Variants in AOX1 observed in about 807,000 individuals in gnomAD.
The protein encoded by AOX1 is aldehyde oxidase 1, also known as aldehyde oxidase.
In AOX1, 153 loss-of-function variants were observed where a neutral mutation model predicts 169.5. The observed-to-expected ratio is 0.90, with a 90% CI of 0.79 to 1.03. The LOEUF is 1.03. Ranked by LOEUF, AOX1 falls within the 50% of genes least tolerant of loss-of-function variation. AOX1 has a pLI of 0.00. For synonymous variants in AOX1, 562 were observed against 581.9 expected (o/e 0.97, Z 0.49); for missense variants, 1,656 against 1,663.9 (o/e 1.00, Z 0.08).
At chr2:200,625,062 A>G (rs1485792308) in intron 19 of AOX1, among the ~76,000 whole-genome samples, 2 of 152,108 alleles carry the variant, frequency 1.3e-5, no homozygotes, top group Non-Finnish European at 2.9e-5. Context: ...GTCTCTGGGA[A>G]TTTTTCTTAC....
intron 20 of AOX1, 135 bp from the exon 21 acceptor site, chr2:200,634,656 T>G: frequency 9.5e-6 from 10 of 1,055,138 alleles, no homozygotes; most frequent in Non-Finnish European, 1.4e-5. Flanking sequence ...AAGCTAAACA[T>G]TGTTGTTTGT....
At chr2:200,642,556 GA>G in intron 24 of AOX1, 53 bp from the exon 25 acceptor site, 1 of 1,553,968 alleles carries the variant, frequency 6.4e-7, no homozygotes, top group Non-Finnish European at 8.8e-7. Flanking sequence ...GAGGTCGTAG[GA>G]TGGTGAAACA....
intron 4 of AOX1, 52 bp from the exon 5 acceptor site, chr2:200,599,568 G>T: frequency 1.4e-6 from 2 of 1,468,340 alleles, no homozygotes; most frequent in Non-Finnish European, 9.3e-7. Context: ...TAATTCATTA[G>T]GCCTGGGATG....
intron 14 of AOX1, 78 bp downstream of exon 14, chr2:200,612,871 G>A: frequency 8.5e-7 from 1 of 1,176,524 alleles, no homozygotes; most frequent in Non-Finnish European, 1.2e-6. Context: ...TTTGTGGTGA[G>A]ATGTGATTAC....
chr2:200,651,022 C>A lies in AOX1; in HGVS notation c.2896C>A (p.Gln966Lys), dbSNP rs138174107. ...GGAAATTGATCAAACACCCTACAAACAAGAGATCAATGCCAAGAACCTAAT... is the reference window on the plus strand; with the variant it reads ...GGAAATTGATCAAACACCCTACAAAAAAGAGATCAATGCCAAGAACCTAAT... ...YKEIDQTPYK[Q>K]EINAKNLIQC... The change falls in exon 26 of 35, where the codon CAA becomes AAA. Residue 966 changes from glutamine (Q) to lysine (K), a missense_variant. Coordinates refer to ENST00000374700, the MANE Select transcript of AOX1 (RefSeq NM_001159.4). 3 of 1,614,204 alleles carry A rather than the reference C, an allele frequency of 1.9e-6. No homozygotes were observed. The highest frequency in any genetic ancestry group is 1.7e-6 in the Non-Finnish European group (2 of 1,180,028).
chr2:200,671,733 TG>T (rs1267699403), downstream of AOX1, among the ~76,000 whole-genome samples: 1 of 151,902 alleles, frequency 6.6e-6, no homozygotes, highest in East Asian at 1.9e-4. Flanking sequence ...GTAGATACTG[TG>T]GAAAATAGTT....
At chr2:200,635,040 A>G in intron 21 of AOX1, 125 bp downstream of exon 21, 2 of 1,155,878 alleles carry the variant, frequency 1.7e-6, no homozygotes, top group Non-Finnish European at 2.5e-6. Flanking sequence ...TGAACCCAGG[A>G]GCTCAAGGCT....
intron 20 of AOX1, among the ~76,000 whole-genome samples, chr2:200,633,492 TC>T (rs2105737913): frequency 6.6e-6 from 1 of 152,236 alleles, no homozygotes; most frequent in Non-Finnish European, 1.5e-5. Flanking sequence ...GCTGAGCCCA[TC>T]CCTTGAACTT....
chr2:200,669,600 T>C lies in AOX1; in HGVS notation c.3824T>C (p.Leu1275Pro), dbSNP rs773158746. The stretch of plus-strand genomic sequence containing the variant: ...GGTCTGGGAGAGTCGGGGGTGTTCC[T>C]GGGGTGTTCCGTGTTTTTCGCTATC... ...SKGLGESGVF[L>P]GCSVFFAIHD... The change falls in exon 34 of 35, where the codon CTG (leucine) becomes CCG (proline). Residue 1275 changes from leucine (L) to proline (P), a missense_variant. Leu to Pro is a moderately conservative substitution (Grantham distance 98). Coordinates refer to ENST00000374700, the MANE Select transcript of AOX1 (RefSeq NM_001159.4). 4.3e-6 allele frequency: 7 copies of C among 1,614,020 alleles called. No homozygotes were observed. The South Asian group carries it at 7.7e-5, about 18-fold the overall frequency.
chr2:200,603,502 A>C (rs748223634), intron 7 of AOX1, 146 bp downstream of exon 7: 19 of 585,124 alleles, frequency 3.2e-5, no homozygotes, highest in Non-Finnish European at 5.1e-5. Context: ...CCATCTCTCT[A>C]TAAAAAAAAA....
intron 1 of AOX1, among the ~76,000 whole-genome samples, chr2:200,590,282 A>AT (rs1234736743): frequency 6.6e-6 from 1 of 152,160 alleles, no homozygotes; most frequent in East Asian, 1.9e-4. Context: ...GTACAGCATG[A>AT]ACTTGGACTC....
intron 31 of AOX1, among the ~76,000 whole-genome samples, chr2:200,664,038 G>A (rs3820973): frequency 0.46 from 70,315 of 151,936 alleles, 17,022 homozygotes; most frequent in East Asian, 0.8. Context: ...GGGCAAAACA[G>A]TGATCACTTT....
intron 32 of AOX1, 131 bp from the exon 33 acceptor site, chr2:200,668,484 C>G: frequency 1.3e-6 from 1 of 777,766 alleles, no homozygotes; most frequent in Admixed American, 2.9e-5. Flanking sequence ...CAGCAACATG[C>G]TCCAAGACAC....
In AOX1 at chr2:200,620,811, T is replaced by C. The variant is rs777081850; in HGVS notation, c.1866T>C (p.Ala622=). The C allele has an allele frequency of 1.9e-6, 3 of 1,593,598 alleles. No individual in the cohort carries two copies. Among genetic ancestry groups the C allele is most frequent in the African/African-American group, 2.7e-5 (2 of 73,558 alleles). Residue 622 remains alanine (A), a synonymous_variant, in exon 17 of 35, where the codon GCT becomes GCC. Coordinates refer to ENST00000374700, the MANE Select transcript of AOX1 (RefSeq NM_001159.4). The stretch of plus-strand genomic sequence containing the variant: ...TTGTGACTAGTTCAAGAGCTCATGC[T>C]AAGATTGTGTAAGTGGTAAAATTCT... ...LTFVTSSRAH[A]KIVSIDLSEA...
At chr2:200,597,576 A>C in intron 4 of AOX1, 71 bp downstream of exon 4, 2 of 1,209,170 alleles carry the variant, frequency 1.7e-6, no homozygotes, top group African/African-American at 3.0e-5. Context: ...CCCTGAGATT[A>C]AGAGAGCGGA....
rs768237820 is a variant in AOX1, at chr2:200,662,959, G to C, written c.3533G>C (p.Gly1178Ala). ...GAGGTTGAAATAGACTGCCTGACGG[G>C]GGATCATAAGGTCAGTACCGGTTGG... ...CSEVEIDCLTGDHKNIRTDIV... is the reference protein window; with the variant it reads ...CSEVEIDCLTADHKNIRTDIV... The change falls in exon 31 of 35, where the codon GGG becomes GCG. Residue 1178 changes from glycine (G) to alanine (A), a missense_variant. Coordinates refer to ENST00000374700, the MANE Select transcript of AOX1 (RefSeq NM_001159.4). The C allele has an allele frequency of 6.2e-7, 1 of 1,613,820 alleles. No homozygotes were observed. The highest frequency in any genetic ancestry group is 8.5e-7 in the Non-Finnish European group (1 of 1,179,730).
intron 27 of AOX1, among the ~76,000 whole-genome samples, chr2:200,658,195 A>T (rs1196043253): frequency 6.6e-6 from 1 of 152,260 alleles, no homozygotes; most frequent in African/African-American, 2.4e-5. Flanking sequence ...GACACACATT[A>T]TCAAATTGTT....
intron 9 of AOX1, among the ~76,000 whole-genome samples, chr2:200,605,072 A>G (rs1318997126): frequency 6.6e-6 from 1 of 152,222 alleles, no homozygotes; most frequent in Non-Finnish European, 1.5e-5. Flanking sequence ...GTTGTACCGA[A>G]GGGGCTTGCT....
At chr2:200,620,468 C>T (rs1179113520) in intron 16 of AOX1, among the ~76,000 whole-genome samples, 182 bp from the exon 17 acceptor site, 1 of 152,098 alleles carries the variant, frequency 6.6e-6, no homozygotes, top group East Asian at 1.9e-4. Flanking sequence ...CTTAGCCTCC[C>T]AAAGTGCTGG....
Sources: gnomAD v4.1 joint callset for allele counts (sites outside exome capture counted in the v4.1 genomes callset) on GRCh38, gnomAD v4.1.1 for gene constraint, MANE v1.5 for transcripts, NCBI Gene and HGNC (gene_info 2026-07-23, HGNC 2026-07-21) for gene names.